ITPKB: variants seen among roughly 807,000 people sequenced by gnomAD.
ITPKB encodes the protein IP3 3-kinase B.
A neutral mutation model predicts 69.4 loss-of-function variants in ITPKB; 13 were observed. The ratio of observed to expected loss-of-function variants is 0.19; its 90% CI spans 0.12 to 0.30. ITPKB has a LOEUF of 0.30. Ranked by LOEUF, ITPKB falls within the 10% of genes least tolerant of loss-of-function variation. The probability of loss-of-function intolerance (pLI) is 1.00; values close to 1 mark genes in which losing one functional copy is unlikely to be tolerated. For missense variants in ITPKB, 1,240 were observed against 1,250.5 expected, an observed-to-expected ratio of 0.99 and a Z score of 0.13; for synonymous variants, 584 against 513.7, an observed-to-expected ratio of 1.14 and a Z score of -1.85.
chr1:226,726,164 C>T (rs933718948), intron 2 of ITPKB, among the ~76,000 whole-genome samples: 25 of 152,142 alleles, frequency 1.6e-4, no homozygotes, highest in African/African-American at 6.0e-4. Flanking sequence ...ATTGAGGATA[C>T]CCAAGTCCAA....
At chr1:226,680,453 G>A (rs568456084) in intron 2 of ITPKB, among the ~76,000 whole-genome samples, 1 of 152,350 alleles carries the variant, frequency 6.6e-6, no homozygotes, top group South Asian at 2.1e-4. Flanking sequence ...CAAGAGAGGA[G>A]GCAATGCTGA....
rs762597188 is a variant in ITPKB at position 226,637,864 on chromosome 1, G to A, written c.2554-114C>T. 1.7e-5 allele frequency: 13 copies of A among 763,118 alleles called. No homozygotes were observed. Among genetic ancestry groups the A allele is most frequent in the East Asian group, 8.1e-5 (3 of 37,254 alleles). The allele number at this position is 763,118 out of a possible 1,614,324, so 47.3% of individuals were successfully genotyped here. On this transcript the variant is annotated intron_variant, in intron 6 of 7. Transcript: ENST00000429204. The surrounding 1 kb of genome is among the most constrained non-coding windows in gnomAD (Gnocchi z 4.3). ...GTGAATGTGCTTTACCCTAAACGCCGGACATCTAGAGGCAGCTTCCTGCGA... is the reference window on the plus strand; with the variant it reads ...GTGAATGTGCTTTACCCTAAACGCCAGACATCTAGAGGCAGCTTCCTGCGA...
rs1305960909 is a variant in ITPKB at position 226,641,624 on chromosome 1, C to A, written c.2451+297G>T. Among the ~76,000 whole-genome samples, 1 of 152,234 alleles carries A rather than the reference C, an allele frequency of 6.6e-6. No individual in the cohort carries two copies. Among genetic ancestry groups the A allele is most frequent in the Non-Finnish European group, 1.5e-5 (1 of 68,046 alleles). On this transcript the variant is annotated intron_variant, in intron 5 of 7. Transcript: ENST00000429204. The surrounding 1 kb of genome is among the most constrained non-coding windows in gnomAD (Gnocchi z 4.6). Reference sequence around the variant, plus strand: ...CTACCCCACAGGCATCCCGCAGGTGCCTCTCGCCTGGCTTTCGGTGCCAGG... The same window carrying A: ...CTACCCCACAGGCATCCCGCAGGTGACTCTCGCCTGGCTTTCGGTGCCAGG...
chr1:226,658,686 G>T (rs1274752685), intron 2 of ITPKB, among the ~76,000 whole-genome samples: 2 of 152,144 alleles, frequency 1.3e-5, no homozygotes, highest in East Asian at 3.9e-4. Context: ...AGGCTGGATG[G>T]CACCGAACAT....
intron 2 of ITPKB, among the ~76,000 whole-genome samples, chr1:226,691,046 G>A (rs901538681): frequency 1.3e-5 from 2 of 152,154 alleles, no homozygotes; most frequent in Non-Finnish European, 2.9e-5. Context: ...GTAGATTAAT[G>A]GTTGTAGGGG....
rs377194747 is a variant in ITPKB at position 226,648,643 on chromosome 1, C to T, written c.2032+29G>A. 4.2e-5 allele frequency: 59 copies of T among 1,394,664 alleles called. No homozygotes were observed. The African/African-American group carries it at 7.1e-4, about 17-fold the overall frequency. 86.4% of individuals were successfully genotyped at this position (1,394,664 alleles called of 1,614,324 possible). A position where few individuals can be genotyped will look rare whatever the true frequency, so the allele number is the denominator to read the frequency against. On this transcript the variant is annotated intron_variant, in intron 3 of 7. Transcript: ENST00000429204. ...CCTCCCCAGAGGGCTGAGCACCATGCTGGGAAAGTCTGGGAGAGCTGTGTC... is the reference window on the plus strand; with the variant it reads ...CCTCCCCAGAGGGCTGAGCACCATGTTGGGAAAGTCTGGGAGAGCTGTGTC...
At chr1:226,682,166 C>A (rs947310901) in intron 2 of ITPKB, among the ~76,000 whole-genome samples, 14 of 152,060 alleles carry the variant, frequency 9.2e-5, no homozygotes, top group African/African-American at 3.4e-4. Context: ...TGCCTGGGTC[C>A]CCCCCCGCCC....
intron 2 of ITPKB, among the ~76,000 whole-genome samples, chr1:226,671,909 G>A (rs60918991): frequency 0.024 from 3,590 of 152,294 alleles, 135 homozygotes; most frequent in African/African-American, 0.081. Context: ...TTTTTAGGCT[G>A]TTCTTAGGAC....
intron 7 of ITPKB, among the ~76,000 whole-genome samples, chr1:226,635,956 A>T (rs1036448834): frequency 6.6e-6 from 1 of 152,254 alleles, no homozygotes; most frequent in Non-Finnish European, 1.5e-5. Context: ...AGTGCAGGGC[A>T]GGTGGGGCCC....
At chr1:226,682,867 T>G (rs1310685278) in intron 2 of ITPKB, among the ~76,000 whole-genome samples, 2 of 152,170 alleles carry the variant, frequency 1.3e-5, no homozygotes, top group African/African-American at 4.8e-5. Flanking sequence ...TCTCTGCAAG[T>G]TGAGCCTCAG....
At chr1:226,669,397 CA>C (rs201330528) in intron 2 of ITPKB, among the ~76,000 whole-genome samples, 4,033 of 127,588 alleles carry the variant, frequency 0.032, 250 homozygotes, top group Admixed American at 0.17. Context: ...AACTCTGTCT[CA>C]AAAAAAAAAA....
At chr1:226,704,410 G>A (rs1656753673) in intron 2 of ITPKB, among the ~76,000 whole-genome samples, 1 of 152,178 alleles carries the variant, frequency 6.6e-6, no homozygotes, top group South Asian at 2.1e-4. Flanking sequence ...GTCAACACGA[G>A]AATTCCCTGT....
chr1:226,702,076 A>G (rs1656681458), intron 2 of ITPKB, among the ~76,000 whole-genome samples: 1 of 152,156 alleles, frequency 6.6e-6, no homozygotes, highest in African/African-American at 2.4e-5. Context: ...GTCTATGTTG[A>G]GCAGGGAAAT....
intron 2 of ITPKB, among the ~76,000 whole-genome samples, chr1:226,679,984 C>G (rs1415302112): frequency 6.6e-6 from 1 of 152,190 alleles, no homozygotes; most frequent in East Asian, 1.9e-4. Flanking sequence ...GCCTCAACAC[C>G]CAGTAGATTT....
chr1:226,663,647 G>A (rs1669441762), intron 2 of ITPKB, among the ~76,000 whole-genome samples: 1 of 151,972 alleles, frequency 6.6e-6, no homozygotes, highest in South Asian at 2.1e-4. Context: ...AGCCTCCCTA[G>A]TAGCTGGGAC....
Position 226,633,909 on chromosome 1 carries a change from T to A in ITPKB, c.*762A>T, listed in dbSNP as rs2102734806. 1 of 152,352 alleles carries A rather than the reference T, an allele frequency of 6.6e-6. No individual in the cohort carries two copies. Among genetic ancestry groups the A allele is most frequent in the East Asian group, 1.9e-4 (1 of 5,170 alleles). 9.4% of individuals were successfully genotyped at this position (152,352 alleles called of 1,614,324 possible). ...GAGCTCAGCATGGCAGAGTGTGCCT[T>A]CTGAACTCATGGGTTGCAATTCCAA... On this transcript the variant is annotated 3_prime_UTR_variant, in exon 8 of 8. Transcript: ENST00000429204.
chr1:226,652,583 C>G (rs1261341496), intron 2 of ITPKB, among the ~76,000 whole-genome samples: 1 of 152,220 alleles, frequency 6.6e-6, no homozygotes, highest in Non-Finnish European at 1.5e-5. Flanking sequence ...AAATCAGACC[C>G]CGTCCCAGGT....
intron 2 of ITPKB, among the ~76,000 whole-genome samples, chr1:226,697,927 G>T (rs1454265840): frequency 6.6e-6 from 1 of 152,200 alleles, no homozygotes; most frequent in Non-Finnish European, 1.5e-5. Context: ...ACAACTGGCT[G>T]CCCACAGGCT....
At chr1:226,644,659 C>T (rs781606561) in intron 4 of ITPKB, among the ~76,000 whole-genome samples, 4 of 152,236 alleles carry the variant, frequency 2.6e-5, no homozygotes, top group Non-Finnish European at 5.9e-5. Context: ...TCACATTCTC[C>T]TTAGTGCCAC....
Sources: allele counts gnomAD v4.1 joint callset (sites outside exome capture counted in the v4.1 genomes callset), GRCh38; gene constraint gnomAD v4.1.1; non-coding constraint Gnocchi (gnomAD v3.1); transcripts MANE v1.5; gene names NCBI Gene and HGNC (gene_info 2026-07-23, HGNC 2026-07-21).